The following MADD variants were observed in gnomAD, a reference collection of about 807,000 sequenced individuals.
MADD encodes MAP kinase activating death domain, also known as MAP kinase-activating death domain protein.
A neutral mutation model predicts 176.7 loss-of-function variants in MADD; 109 were observed. That is an observed-to-expected ratio of 0.62 (90% CI 0.53 to 0.72). MADD has a LOEUF of 0.72. Ranked by LOEUF, MADD falls within the 30% of genes least tolerant of loss-of-function variation. The pLI is 0.00. For synonymous variants in MADD, 771 were observed against 771.3 expected, an observed-to-expected ratio of 1.00 and a Z score of 0.01; for missense variants, 1,914 against 2,045.5, an observed-to-expected ratio of 0.94 and a Z score of 1.24.
intron 19 of MADD, among the ~76,000 whole-genome samples, chr11:47,291,438 T>C (rs1314220460): frequency 1.3e-5 from 2 of 152,214 alleles, no homozygotes; most frequent in Non-Finnish European, 2.9e-5. Flanking sequence ...CACCTCTGTT[T>C]GGCTCACTCC....
intron 1 of MADD, among the ~76,000 whole-genome samples, chr11:47,273,186 C>A (rs1427896392): frequency 6.6e-6 from 1 of 152,146 alleles, no homozygotes; most frequent in Non-Finnish European, 1.5e-5. Flanking sequence ...CCTGATCCAC[C>A]CTGGAGGGAT....
exon 24 of MADD, chr11:47,309,369 T>C (rs1359821583): frequency 6.2e-7 from 1 of 1,614,192 alleles, no homozygotes; most frequent in Non-Finnish European, 8.5e-7. Context: ...AAGGGATGGG[T>C]ATGGACCAGG....
chr11:47,274,880 C>T, exon 3 of MADD: 1 of 1,614,008 alleles, frequency 6.2e-7, no homozygotes, highest in South Asian at 1.1e-5. Flanking sequence ...GCCACCTGTG[C>T]CTCAGAAGAG....
intron 20 of MADD, among the ~76,000 whole-genome samples, chr11:47,295,021 T>C (rs1224595689): frequency 6.6e-6 from 1 of 151,782 alleles, no homozygotes; most frequent in Non-Finnish European, 1.5e-5. Context: ...TTTTTTGTTT[T>C]TTTTTTTGAG....
intron 27 of MADD, among the ~76,000 whole-genome samples, chr11:47,323,405 A>T (rs1334031090): frequency 2.0e-5 from 3 of 152,058 alleles, no homozygotes; most frequent in Admixed American, 2.0e-4. Flanking sequence ...CTCAAAAAAA[A>T]AAAAAAGAGG....
chr11:47,289,360 A>G (rs2063342044), intron 15 of MADD, 31 bp from the exon 17 acceptor site: 1 of 1,534,570 alleles, frequency 6.5e-7, no homozygotes, highest in East Asian at 2.2e-5. Flanking sequence ...TACAATAGTG[A>G]TGTCTCTCAT....
intron 25 of MADD, 27 bp from the exon 29 acceptor site, chr11:47,311,705 G>T: frequency 1.4e-6 from 2 of 1,401,064 alleles, no homozygotes; most frequent in Non-Finnish European, 2.0e-6. Flanking sequence ...CAGATCCCTT[G>T]TTAAGAGTCA....
At position 47,295,598 on chromosome 11, in the gene MADD, G is replaced by A; in HGVS notation, c.3483+22G>A. The A allele has an allele frequency of 6.2e-7, 1 of 1,613,982 alleles. No individual in the cohort carries two copies. Among genetic ancestry groups the A allele is most frequent in the Non-Finnish European group, 8.5e-7 (1 of 1,179,942 alleles). ...CACCGTGGTAGGGGAACACCACACT[G>A]GCATCTTGGTGGGTGGGGTGTGGAT... On this transcript the variant is annotated intron_variant, in intron 21 of 32. Coordinates refer to ENST00000402192, the Ensembl canonical transcript of MADD.
intron 20 of MADD, among the ~76,000 whole-genome samples, chr11:47,294,844 G>T (rs2069401719): frequency 6.6e-6 from 1 of 151,960 alleles, no homozygotes; most frequent in South Asian, 2.1e-4. Context: ...GCTACCTATA[G>T]TGTGACTCCA....
chr11:47,325,012 T>A lies in MADD; in HGVS notation c.4542+435T>A. On this transcript the variant is annotated intron_variant, in intron 30 of 32. Coordinates refer to ENST00000402192, the Ensembl canonical transcript of MADD. The surrounding 1 kb of genome is among the most constrained non-coding windows in gnomAD (Gnocchi z 4.5). ...TGCGTGCAGCTTGCGTGTGCGTGCG[T>A]GCGTGCCTGCGTGCTTGTGTGTAAG... 1.9e-6 allele frequency: 1 copy of A among 525,270 alleles called. No individual in the cohort carries two copies. Among genetic ancestry groups the A allele is most frequent in the Non-Finnish European group, 3.4e-6 (1 of 292,366 alleles). The allele number at this position is 525,270 out of a possible 1,614,324, so 32.5% of individuals were successfully genotyped here.
In MADD at chr11:47,309,627, G is replaced by C. The variant is rs2086271541; in HGVS notation, c.3978+15G>C. ...TGCTGATGAAGGTAATGTCAATTTTGCTGTGTCCAGCTCCGCTGATCCTAG... is the reference window on the plus strand; with the variant it reads ...TGCTGATGAAGGTAATGTCAATTTTCCTGTGTCCAGCTCCGCTGATCCTAG... On this transcript the variant is annotated intron_variant, in intron 25 of 32. Coordinates refer to ENST00000402192, the Ensembl canonical transcript of MADD. 1 of 1,592,280 alleles carries C rather than the reference G, an allele frequency of 6.3e-7. No homozygotes were observed. Among genetic ancestry groups the C allele is most frequent in the South Asian group, 1.1e-5 (1 of 90,628 alleles).
At chr11:47,287,725 C>T (rs1177714282) in intron 15 of MADD, among the ~76,000 whole-genome samples, 2 of 146,818 alleles carry the variant, frequency 1.4e-5, no homozygotes, top group African/African-American at 5.0e-5. Flanking sequence ...TTTTTGTTTT[C>T]TCTGGATGGT....
At position 47,282,982 on chromosome 11, in the gene MADD, A is replaced by G. The variant is rs756613016; in HGVS notation, c.1862+13A>G. On this transcript the variant is annotated intron_variant, in intron 10 of 32. Transcript: ENST00000402192. Reference sequence around the variant, plus strand: ...CTACTGATGATAGGTGAGCATCCTTAGGGCAGCAAAAAGGTTTTAAAGGTG... The same window carrying G: ...CTACTGATGATAGGTGAGCATCCTTGGGGCAGCAAAAAGGTTTTAAAGGTG... 2 of 1,609,552 alleles carry G rather than the reference A, an allele frequency of 1.2e-6. No homozygotes were observed. The highest frequency in any genetic ancestry group is 1.7e-6 in the Non-Finnish European group (2 of 1,176,896).
Position 47,285,603 on chromosome 11 carries a change from A to G in MADD, c.2551+13A>G, listed in dbSNP as rs1294637050. The G allele has an allele frequency of 1.9e-6, 3 of 1,613,838 alleles. No homozygotes were observed. The highest frequency in any genetic ancestry group is 2.7e-5 in the African/African-American group (2 of 74,930). Reference sequence around the variant, plus strand: ...ATGTCTTTTGCCAGTAAGTGCCTTCAGCTGTCTCTCTCACTCCTGTGTTCC... The same window carrying G: ...ATGTCTTTTGCCAGTAAGTGCCTTCGGCTGTCTCTCTCACTCCTGTGTTCC... On this transcript the variant is annotated intron_variant, in intron 14 of 32. Transcript: ENST00000402192.
At chr11:47,285,160 A>C in exon 13 of MADD, 1 of 1,613,592 alleles carries the variant, frequency 6.2e-7, no homozygotes, top group East Asian at 2.2e-5. Flanking sequence ...GGAAAGTTAC[A>C]CTCCCCGATT....
chr11:47,283,002 A>C (rs1284688606), intron 10 of MADD, 33 bp downstream of exon 10: 19 of 1,602,894 alleles, frequency 1.2e-5, no homozygotes, highest in Non-Finnish European at 1.5e-5. Flanking sequence ...AAAGGTTTTA[A>C]AGGTGAGGAG....
intron 31 of MADD, 33 bp from the exon 36 acceptor site, chr11:47,328,625 T>C: frequency 1.2e-6 from 2 of 1,614,112 alleles, no homozygotes; most frequent in African/African-American, 2.7e-5. Flanking sequence ...AGTGTTGAAC[T>C]TTCTGTTTTG....
At position 47,329,373 on chromosome 11, in the gene MADD, C is replaced by T. The variant is rs1244856625; in HGVS notation, c.*223C>T. The T allele has an allele frequency of 5.3e-6, 3 of 570,898 alleles. No homozygotes were observed. In the East Asian group the frequency reaches 8.8e-5, roughly 17 times the overall value. 35.4% of individuals were successfully genotyped at this position (570,898 alleles called of 1,614,324 possible). A position where few individuals can be genotyped will look rare whatever the true frequency, so the allele number is the denominator to read the frequency against. On this transcript the variant is annotated 3_prime_UTR_variant, in exon 33 of 33. Coordinates refer to ENST00000402192, the Ensembl canonical transcript of MADD. ...CTCCCAGAAGACCAAACTGCCTTCCCCTCAGGGCTCAAGAATGTGTACAGT... is the reference window on the plus strand; with the variant it reads ...CTCCCAGAAGACCAAACTGCCTTCCTCTCAGGGCTCAAGAATGTGTACAGT...
At position 47,293,992 on chromosome 11, in the gene MADD, C is replaced by T; in HGVS notation, c.3402+9C>T. The T allele has an allele frequency of 6.2e-7, 1 of 1,608,464 alleles. No individual in the cohort carries two copies. The highest frequency in any genetic ancestry group is 8.5e-7 in the Non-Finnish European group (1 of 1,174,890). ...TGACGTCTAGTTCCCAGGTTTGTGA[C>T]AACCTTGTTGAAATTTGCAAGTATT... On this transcript the variant is annotated intron_variant, in intron 20 of 32. Transcript: ENST00000402192.
Sources: gnomAD v4.1 joint callset for allele counts (sites outside exome capture counted in the v4.1 genomes callset) on GRCh38, gnomAD v4.1.1 for gene constraint, Gnocchi (gnomAD v3.1) non-coding constraint, MANE v1.5 for transcripts, NCBI Gene and HGNC (gene_info 2026-07-23, HGNC 2026-07-21) for gene names.